Variants in CBL observed in about 807,000 individuals in gnomAD.
The protein encoded by CBL is Cbl proto-oncogene.
Under a neutral mutation model 96.9 loss-of-function variants are expected in CBL, and 45 were observed. The ratio of observed to expected loss-of-function variants is 0.46; its 90% confidence interval spans 0.37 to 0.60. The LOEUF is 0.60. CBL is among the 20% of genes least tolerant of loss of function. CBL has a pLI of 0.00. For missense variants in CBL, 1,024 were observed against 1,143.5 expected (o/e 0.90, Z 1.51); for synonymous variants, 420 against 426.8 (o/e 0.98, Z 0.20).
rs564352596 is a variant in CBL at position 119,301,187 on chromosome 11, T to C, written c.*1406T>C. ...TCTTCACCTGAGGTCCTAAATACTC[T>C]CTGTAATTACTGTGTTCTTCACGGT... On this transcript the variant is annotated 3_prime_UTR_variant, in exon 16 of 16. Transcript: ENST00000264033. The C allele has an allele frequency of 4.3e-6, 1 of 233,214 alleles. No individual in the cohort carries two copies. The highest frequency in any genetic ancestry group is 8.5e-6 in the Non-Finnish European group (1 of 117,996). 14.4% of individuals were successfully genotyped at this position (233,214 alleles called of 1,614,324 possible).
At chr11:119,245,318 T>C (rs1305678648) in intron 2 of CBL, among the ~76,000 whole-genome samples, 3 of 152,128 alleles carry the variant, frequency 2.0e-5, no homozygotes, top group Non-Finnish European at 4.4e-5. Flanking sequence ...TTTGTATATA[T>C]GGGTCATATC....
At chr11:119,274,098 T>TA in intron 4 of CBL, 74 bp downstream of exon 4, 7 of 1,000,948 alleles carry the variant, frequency 7.0e-6, no homozygotes, top group South Asian at 1.4e-5. Context: ...TTTTTTTTTT[T>TA]AAATAACATT....
intron 1 of CBL, among the ~76,000 whole-genome samples, chr11:119,226,175 C>T (rs1949457179): frequency 6.6e-6 from 1 of 152,134 alleles, no homozygotes; most frequent in Non-Finnish European, 1.5e-5. Flanking sequence ...AGAGACCATG[C>T]AGGACTGGGA....
In CBL at chr11:119,305,516, G is replaced by A. The variant is rs962280951; in HGVS notation, c.*5735G>A. On this transcript the variant is annotated 3_prime_UTR_variant, in exon 16 of 16. Transcript: ENST00000264033. Reference sequence around the variant, plus strand: ...CCTCCACTCTCCTCCTCACCCTCTCGCTCCTTCCTGTGTGAGGGCCGCTCT... The same window carrying A: ...CCTCCACTCTCCTCCTCACCCTCTCACTCCTTCCTGTGTGAGGGCCGCTCT... 3.0e-5 allele frequency: 7 copies of A among 229,730 alleles called. No homozygotes were observed. Among genetic ancestry groups the A allele is most frequent in the Non-Finnish European group, 5.2e-5 (6 of 116,066 alleles). 14.2% of individuals were successfully genotyped at this position (229,730 alleles called of 1,614,324 possible).
intron 4 of CBL, 56 bp from the exon 5 acceptor site, chr11:119,274,774 CCT>C: frequency 1.3e-6 from 2 of 1,559,096 alleles, no homozygotes; most frequent in Admixed American, 3.4e-5. Context: ...TTCTCATTGC[CCT>C]CTGAGTTGGT....
chr11:119,248,358 C>T (rs1333973030), intron 2 of CBL, among the ~76,000 whole-genome samples: 1 of 152,158 alleles, frequency 6.6e-6, no homozygotes, highest in Non-Finnish European at 1.5e-5. Context: ...ACAAGCTTCT[C>T]AATGGAGAAA....
intron 3 of CBL, among the ~76,000 whole-genome samples, chr11:119,272,175 G>A (rs902662001): frequency 6.6e-6 from 1 of 152,166 alleles, no homozygotes; most frequent in Non-Finnish European, 1.5e-5. Flanking sequence ...AGGCTGGAGT[G>A]CAGTGGTGCG....
At chr11:119,271,634 T>C in intron 2 of CBL, 101 bp from the exon 3 acceptor site, 1 of 984,006 alleles carries the variant, frequency 1.0e-6, no homozygotes, top group South Asian at 1.4e-5. Context: ...CTAAATGTAT[T>C]TTAATATTCA....
chr11:119,260,400 C>G (rs573743349), intron 2 of CBL, among the ~76,000 whole-genome samples: 1 of 151,880 alleles, frequency 6.6e-6, no homozygotes, highest in Non-Finnish European at 1.5e-5. Flanking sequence ...CGTGCCATCA[C>G]GCCTGGCTAA....
At chr11:119,265,104 T>C (rs10892342) in intron 2 of CBL, among the ~76,000 whole-genome samples, 54,568 of 151,904 alleles carry the variant, frequency 0.36, 10,822 homozygotes, top group South Asian at 0.61. Flanking sequence ...TGGTCTCAAA[T>C]TCCTGAGTTC....
intron 2 of CBL, among the ~76,000 whole-genome samples, chr11:119,243,491 T>C (rs1201530203): frequency 6.7e-6 from 1 of 148,508 alleles, no homozygotes; most frequent in Non-Finnish European, 1.5e-5. Context: ...ATCAAGGATA[T>C]GAGACCCCGT....
At position 119,302,642 on chromosome 11, in the gene CBL, GC is replaced by G. The variant is rs1400126890; in HGVS notation, c.*2863del. 1 of 231,208 alleles carries G rather than the reference GC, an allele frequency of 4.3e-6. No homozygotes were observed. The highest frequency in any genetic ancestry group is 8.6e-6 in the Non-Finnish European group (1 of 116,886). The allele number at this position is 231,208 out of a possible 1,614,324, so 14.3% of individuals were successfully genotyped here. ...GTCTTCACGGATTGCTTTCCAAGCT[GC>G]CTTGTTGCGGGGTTGCTGCAGAGCA... On this transcript the variant is annotated 3_prime_UTR_variant, in exon 16 of 16. Transcript: ENST00000264033.
rs528616735 is a variant in CBL at position 119,304,666 on chromosome 11, G to A, written c.*4885G>A. 2.1e-4 allele frequency: 44 copies of A among 206,862 alleles called. 1 individual carries two copies. In the Middle Eastern group the frequency reaches 4.7e-3, roughly 22 times the overall value. The allele number at this position is 206,862 out of a possible 1,614,324, so 12.8% of individuals were successfully genotyped here. A position where few individuals can be genotyped will look rare whatever the true frequency, so the allele number is the denominator to read the frequency against. On this transcript the variant is annotated 3_prime_UTR_variant, in exon 16 of 16. Transcript: ENST00000264033. ...TTTTGAGATGGAGTCTCGCTGTGTC[G>A]CCCAGGCTGGAGTGCAGTGGTGCAG...
intron 1 of CBL, among the ~76,000 whole-genome samples, chr11:119,208,809 C>T (rs189226006): frequency 2.0e-5 from 3 of 152,156 alleles, no homozygotes; most frequent in African/African-American, 7.2e-5. Context: ...TCCCTTAAGT[C>T]TTACTCCTTC....
intron 12 of CBL, among the ~76,000 whole-genome samples, chr11:119,293,676 C>T (rs1950044803): frequency 6.6e-6 from 1 of 152,090 alleles, no homozygotes; most frequent in Non-Finnish European, 1.5e-5. Context: ...TCATTATACC[C>T]CAAAATTCCT....
chr11:119,299,864 C>T lies in CBL; in HGVS notation c.*83C>T. The stretch of plus-strand genomic sequence containing the variant: ...GTGGCACCTAGAAGGGCAGGAGTTC[C>T]TTTGGTGACTTCACAGTGAAGTCTT... On this transcript the variant is annotated 3_prime_UTR_variant, in exon 16 of 16. Transcript: ENST00000264033. The T allele has an allele frequency of 7.5e-7, 1 of 1,331,380 alleles. No homozygotes were observed. The highest frequency in any genetic ancestry group is 1.2e-5 in the South Asian group (1 of 85,220). The allele number at this position is 1,331,380 out of a possible 1,614,324, so 82.5% of individuals were successfully genotyped here. A position where few individuals can be genotyped will look rare whatever the true frequency, so the allele number is the denominator to read the frequency against.
At chr11:119,259,510 A>G (rs1949737090) in intron 2 of CBL, among the ~76,000 whole-genome samples, 1 of 152,148 alleles carries the variant, frequency 6.6e-6, no homozygotes, top group Non-Finnish European at 1.5e-5. Flanking sequence ...AATTTATGTG[A>G]ATTTAGTAAA....
rs1263522116 is a variant in CBL at position 119,301,002 on chromosome 11, T to G, written c.*1221T>G. ...TAGGTTATATTTTCAGCAGTGGTTTTTTCCTTTGCCCTTTAAGGAGTGGGG... is the reference window on the plus strand; with the variant it reads ...TAGGTTATATTTTCAGCAGTGGTTTGTTCCTTTGCCCTTTAAGGAGTGGGG... On this transcript the variant is annotated 3_prime_UTR_variant, in exon 16 of 16. Coordinates refer to ENST00000264033, the MANE Select transcript of CBL (RefSeq NM_005188.4). 8.5e-6 allele frequency: 2 copies of G among 234,288 alleles called. No homozygotes were observed. The highest frequency in any genetic ancestry group is 1.7e-5 in the Non-Finnish European group (2 of 118,742). 14.5% of individuals were successfully genotyped at this position (234,288 alleles called of 1,614,324 possible). A position where few individuals can be genotyped will look rare whatever the true frequency, so the allele number is the denominator to read the frequency against.
At chr11:119,270,715 G>A (rs1262064430) in intron 2 of CBL, among the ~76,000 whole-genome samples, 8 of 151,830 alleles carry the variant, frequency 5.3e-5, no homozygotes, top group African/African-American at 1.9e-4. Flanking sequence ...CAAAGTGCTG[G>A]GATTACAGGC....
Sources: gnomAD v4.1 joint callset for allele counts (sites outside exome capture counted in the v4.1 genomes callset) on GRCh38, gnomAD v4.1.1 for gene constraint, MANE v1.5 for transcripts, NCBI Gene and HGNC (gene_info 2026-07-23, HGNC 2026-07-21) for gene names.